LRP1B: variants seen among roughly 807,000 people sequenced by gnomAD.
The protein encoded by LRP1B is LDL receptor related protein 1B.
Under a neutral mutation model 556.6 loss-of-function variants are expected in LRP1B, and 217 were observed. The ratio of observed to expected loss-of-function variants is 0.39; its 90% CI spans 0.35 to 0.44. LRP1B has a LOEUF of 0.44. Ranked by LOEUF, LRP1B falls within the 20% of genes least tolerant of loss-of-function variation. The pLI is 1.00. For missense variants in LRP1B, 5,053 were observed against 5,620.8 expected, an observed-to-expected ratio of 0.90 and a Z score of 3.23; for synonymous variants, 2,047 against 1,865.8, an observed-to-expected ratio of 1.10 and a Z score of -2.50.
intron 1 of LRP1B, among the ~76,000 whole-genome samples, chr2:142,059,518 C>G (rs1369092963): frequency 7.1e-6 from 1 of 140,812 alleles, no homozygotes; most frequent in Non-Finnish European, 1.6e-5. Flanking sequence ...TTACCTAATC[C>G]TGCAAAAGAA....
At chr2:141,502,630 G>A (rs1683763138) in intron 2 of LRP1B, among the ~76,000 whole-genome samples, 2 of 152,038 alleles carry the variant, frequency 1.3e-5, no homozygotes, top group Non-Finnish European at 2.9e-5. Context: ...GGAGGCTGAG[G>A]TGGGCGGATC....
chr2:140,700,773 T>A, intron 40 of LRP1B, 152 bp from the exon 41 acceptor site: 2 of 809,560 alleles, frequency 2.5e-6, no homozygotes, highest in East Asian at 2.8e-5. Context: ...ATTAAAAAAG[T>A]ATTGTTTTTT....
At chr2:141,390,181 C>T (rs1334582598) in intron 3 of LRP1B, among the ~76,000 whole-genome samples, 1 of 151,886 alleles carries the variant, frequency 6.6e-6, no homozygotes, top group Non-Finnish European at 1.5e-5. Flanking sequence ...CACCAATGAG[C>T]ACAGGAAAAG....
chr2:140,728,960 T>C (rs1451234526), intron 35 of LRP1B, among the ~76,000 whole-genome samples: 1 of 152,054 alleles, frequency 6.6e-6, no homozygotes, highest in African/African-American at 2.4e-5. Context: ...TCAACTATCA[T>C]AAACTTTAAA....
At chr2:141,796,694 C>T (rs1339826304) in intron 2 of LRP1B, among the ~76,000 whole-genome samples, 1 of 150,804 alleles carries the variant, frequency 6.6e-6, no homozygotes, top group Non-Finnish European at 1.5e-5. Context: ...ACAGAGACAG[C>T]TATATTATAG....
At chr2:140,873,338 A>G (rs774297176) in intron 25 of LRP1B, among the ~76,000 whole-genome samples, 35 of 152,140 alleles carry the variant, frequency 2.3e-4, no homozygotes, top group Non-Finnish European at 4.4e-4. Flanking sequence ...TCTTAAATTT[A>G]GTAAGATTAC....
chr2:141,330,002 TAA>T (rs36022608), intron 3 of LRP1B, among the ~76,000 whole-genome samples: 16 of 150,308 alleles, frequency 1.1e-4, no homozygotes, highest in African/African-American at 3.4e-4. Context: ...CTATTATAGA[TAA>T]AAAAAAAAAG....
chr2:140,492,085 C>T (rs773676363), intron 57 of LRP1B, among the ~76,000 whole-genome samples: 20 of 152,210 alleles, frequency 1.3e-4, no homozygotes, highest in Non-Finnish European at 2.5e-4. Flanking sequence ...TTTCATCTGA[C>T]GTGTTTATTT....
chr2:140,315,305 G>A (rs1164540209), intron 82 of LRP1B, among the ~76,000 whole-genome samples: 1 of 152,096 alleles, frequency 6.6e-6, no homozygotes, highest in Admixed American at 6.6e-5. Context: ...TTAAATTAAT[G>A]TGTATTCTTC....
At chr2:140,484,184 A>T (rs1343232300) in intron 59 of LRP1B, among the ~76,000 whole-genome samples, 1 of 152,214 alleles carries the variant, frequency 6.6e-6, no homozygotes, top group Non-Finnish European at 1.5e-5. Context: ...TATATAGTGA[A>T]AAGTTAAAAT....
rs549308830 is a variant in LRP1B, at chr2:140,613,665, C to A, written c.6800-12026G>T. On this transcript the variant is annotated intron_variant, in intron 41 of 90. Coordinates refer to ENST00000389484, the MANE Select transcript of LRP1B (RefSeq NM_018557.3). ...AAGACTCTCAGACAAAGGACTTAAT[C>A]CACTCTTCTCTGCCCACATTAAAAG... 1.4e-4 allele frequency among the ~76,000 whole-genome samples: 21 copies of A among 151,560 alleles called. No homozygotes were observed. In the South Asian group the frequency reaches 1.5e-3, roughly 10 times the overall value.
rs1233400176 is a variant in LRP1B, at chr2:140,452,963, T to TG, written c.9964-2303_9964-2302insC. On this transcript the variant is annotated intron_variant, in intron 62 of 90. Transcript: ENST00000389484. ...ATGTCTGTTGTGTGTGTGTGTGTGT[T>TG]TTTTTTTTTTTTTTTTATAAAATAG... is the stretch of plus-strand genomic sequence containing the variant. Among the ~76,000 whole-genome samples the TG allele has an allele frequency of 3.4e-3, 367 of 106,546 alleles. 1 individual carries two copies. The highest frequency in any genetic ancestry group is 4.9e-3 in the Admixed American group (57 of 11,658). 69.9% of individuals were successfully genotyped at this position (106,546 alleles called of 152,430 possible). A position where few individuals can be genotyped will look rare whatever the true frequency, so the allele number is the denominator to read the frequency against.
At chr2:141,310,608 C>T (rs970670447) in intron 3 of LRP1B, among the ~76,000 whole-genome samples, 1 of 152,080 alleles carries the variant, frequency 6.6e-6, no homozygotes, top group African/African-American at 2.4e-5. Context: ...TTCTCTCTCT[C>T]TCTCAGACAC....
rs1454480541 is a variant in LRP1B, at chr2:140,302,129, T to C, written c.12806-4160A>G. Reference sequence around the variant, plus strand: ...TTCTCTTTTGTTTTCTGCCTGCCTTTTTGTACAATTGTCTTTATGTTTTCT... The same window carrying C: ...TTCTCTTTTGTTTTCTGCCTGCCTTCTTGTACAATTGTCTTTATGTTTTCT... On this transcript the variant is annotated intron_variant, in intron 83 of 90. Coordinates refer to ENST00000389484, the MANE Select transcript of LRP1B (RefSeq NM_018557.3). 3.3e-5 allele frequency among the ~76,000 whole-genome samples: 5 copies of C among 152,152 alleles called. No homozygotes were observed. The East Asian group carries it at 9.6e-4, about 29-fold the overall frequency.
At chr2:141,199,394 C>T (rs1183059223) in intron 6 of LRP1B, among the ~76,000 whole-genome samples, 7 of 152,070 alleles carry the variant, frequency 4.6e-5, no homozygotes, top group African/African-American at 1.7e-4. Context: ...GCAGGTTTTA[C>T]TCTAAATCTT....
chr2:141,621,882 TG>T (rs1559183771), intron 2 of LRP1B, among the ~76,000 whole-genome samples: 2 of 152,038 alleles, frequency 1.3e-5, no homozygotes, highest in African/African-American at 4.8e-5. Context: ...CTCTCTTTTT[TG>T]TTTGTTTGTT....
intron 66 of LRP1B, among the ~76,000 whole-genome samples, chr2:140,441,623 A>G (rs1218709238): frequency 1.3e-5 from 2 of 152,136 alleles, no homozygotes; most frequent in Non-Finnish European, 2.9e-5. Context: ...CATTATTTTC[A>G]TTTTCCCCAT....
intron 31 of LRP1B, among the ~76,000 whole-genome samples, chr2:140,822,755 T>A (rs1691370730): frequency 6.6e-6 from 1 of 152,192 alleles, no homozygotes; most frequent in Non-Finnish European, 1.5e-5. Flanking sequence ...TTATCTTTGC[T>A]GAGGTTAAGT....
At chr2:141,995,434 C>G (rs1250922534) in intron 1 of LRP1B, among the ~76,000 whole-genome samples, 1 of 152,144 alleles carries the variant, frequency 6.6e-6, no homozygotes, top group Non-Finnish European at 1.5e-5. Context: ...CCGCCTCCCT[C>G]TTTTAGCGGC....
Sources: gnomAD v4.1 joint callset for allele counts (sites outside exome capture counted in the v4.1 genomes callset) on GRCh38, gnomAD v4.1.1 for gene constraint, MANE v1.5 for transcripts, NCBI Gene and HGNC (gene_info 2026-07-23, HGNC 2026-07-21) for gene names.